Variants in DPYD observed in about 807,000 individuals in gnomAD.
The protein encoded by DPYD is dihydropyrimidine dehydrogenase.
A neutral mutation model predicts 116.2 loss-of-function variants in DPYD; 109 were observed. The observed-to-expected ratio is 0.94, with a 90% CI of 0.80 to 1.10. The LOEUF (loss-of-function observed/expected upper bound fraction) is 1.10, where lower values mean the gene tolerates loss of function less well. Ranked by LOEUF, DPYD falls within the 50% of genes least tolerant of loss-of-function variation. The pLI is 0.00. For synonymous variants in DPYD, 440 were observed against 432.0 expected, an observed-to-expected ratio of 1.02 and a Z score of -0.23; for missense variants, 1,302 against 1,254.5, an observed-to-expected ratio of 1.04 and a Z score of -0.57.
At chr1:97,681,412 T>C (rs916677042) in intron 7 of DPYD, among the ~76,000 whole-genome samples, 4 of 152,128 alleles carry the variant, frequency 2.6e-5, no homozygotes, top group South Asian at 2.1e-4. Context: ...AACTGGATCA[T>C]AGAGGGCAAT....
intron 3 of DPYD, among the ~76,000 whole-genome samples, chr1:97,740,744 T>C (rs1229030502): frequency 6.6e-6 from 1 of 152,156 alleles, no homozygotes; most frequent in African/African-American, 2.4e-5. Flanking sequence ...ATCATACTTA[T>C]TTAGGACATA....
intron 8 of DPYD, among the ~76,000 whole-genome samples, chr1:97,670,832 T>C (rs983314910): frequency 6.6e-6 from 1 of 152,102 alleles, no homozygotes; most frequent in Non-Finnish European, 1.5e-5. Flanking sequence ...ATTAAACCAT[T>C]GGAAACTACT....
intron 3 of DPYD, among the ~76,000 whole-genome samples, chr1:97,795,841 C>A (rs367780474): frequency 6.6e-6 from 1 of 151,730 alleles, no homozygotes; most frequent in Non-Finnish European, 1.5e-5. Flanking sequence ...TTTTGTTGTG[C>A]CCTAGGTATA....
At chr1:97,303,114 A>G (rs1303307092) in intron 18 of DPYD, among the ~76,000 whole-genome samples, 1 of 151,992 alleles carries the variant, frequency 6.6e-6, no homozygotes, top group East Asian at 1.9e-4. Flanking sequence ...TTCATTTCAA[A>G]GAGCAGAAAT....
intron 8 of DPYD, among the ~76,000 whole-genome samples, chr1:97,651,328 C>A (rs1658569809): frequency 6.6e-6 from 1 of 152,082 alleles, no homozygotes; most frequent in African/African-American, 2.4e-5. Flanking sequence ...AACAAAAATA[C>A]CCTGCTTGTG....
At chr1:97,257,452 T>TATATATAGAGAGAGAGAGAGAGAGAG (rs375490078) in intron 18 of DPYD, among the ~76,000 whole-genome samples, 1 of 126,474 alleles carries the variant, frequency 7.9e-6, no homozygotes, top group African/African-American at 3.1e-5. Context: ...TATATATATA[T>TATATATAGAGAGAGAGAGAGAGAGAG]AGAGAGAGAG....
intron 1 of DPYD, among the ~76,000 whole-genome samples, chr1:97,892,679 T>A (rs1293025594): frequency 6.6e-6 from 1 of 151,786 alleles, no homozygotes; most frequent in Non-Finnish European, 1.5e-5. Context: ...TCTAAGCCCC[T>A]AGGTTGTTCT....
At chr1:97,760,449 A>T (rs1222877629) in intron 3 of DPYD, among the ~76,000 whole-genome samples, 1 of 152,172 alleles carries the variant, frequency 6.6e-6, no homozygotes, top group Non-Finnish European at 1.5e-5. Flanking sequence ...AACAATAAAA[A>T]TAACATGAAT....
At chr1:97,541,509 C>T (rs1044689928) in intron 12 of DPYD, among the ~76,000 whole-genome samples, 2 of 151,922 alleles carry the variant, frequency 1.3e-5, no homozygotes, top group African/African-American at 4.8e-5. Context: ...TAGATTTAGG[C>T]AAGATACATA....
chr1:97,340,419 C>G (rs1669533871), intron 16 of DPYD, among the ~76,000 whole-genome samples: 1 of 152,140 alleles, frequency 6.6e-6, no homozygotes, highest in South Asian at 2.1e-4. Context: ...CATGGTGGCT[C>G]TGCACTTTGG....
At chr1:97,897,513 A>G (rs941998224) in intron 1 of DPYD, among the ~76,000 whole-genome samples, 1 of 151,886 alleles carries the variant, frequency 6.6e-6, no homozygotes, top group African/African-American at 2.4e-5. Context: ...CATGTATATG[A>G]GGCCACTCGA....
intron 21 of DPYD, 66 bp from the exon 22 acceptor site, chr1:97,082,536 C>A: frequency 6.4e-7 from 1 of 1,574,514 alleles, no homozygotes; most frequent in Non-Finnish European, 8.7e-7. Context: ...TAATTAATAT[C>A]ACTCAGCATT....
chr1:97,355,116 C>T (rs1452347825), intron 16 of DPYD, among the ~76,000 whole-genome samples: 6 of 152,108 alleles, frequency 3.9e-5, no homozygotes, highest in Non-Finnish European at 5.9e-5. Flanking sequence ...GATAACTATA[C>T]TTTTATTGCA....
intron 8 of DPYD, among the ~76,000 whole-genome samples, chr1:97,661,393 C>T (rs936941331): frequency 1.3e-5 from 2 of 152,042 alleles, no homozygotes; most frequent in Non-Finnish European, 2.9e-5. Flanking sequence ...CATATAGAAT[C>T]GAGGAGGACT....
intron 18 of DPYD, among the ~76,000 whole-genome samples, chr1:97,280,871 T>C (rs181856491): frequency 2.0e-5 from 3 of 152,262 alleles, no homozygotes; most frequent in Non-Finnish European, 4.4e-5. Context: ...TATCTCAAGA[T>C]ACCTCGAAGA....
At chr1:97,583,763 T>A (rs1000968173) in intron 10 of DPYD, among the ~76,000 whole-genome samples, 1 of 151,644 alleles carries the variant, frequency 6.6e-6, no homozygotes, top group Non-Finnish European at 1.5e-5. Context: ...TGTGACGCAA[T>A]ATTTTTTTTA....
At chr1:97,199,560 T>G (rs1342323745) in intron 19 of DPYD, among the ~76,000 whole-genome samples, 1 of 152,082 alleles carries the variant, frequency 6.6e-6, no homozygotes, top group African/African-American at 2.4e-5. Context: ...ATTTTTTTAA[T>G]GTAATACATT....
intron 4 of DPYD, among the ~76,000 whole-genome samples, chr1:97,722,064 C>A (rs1280042712): frequency 6.6e-6 from 1 of 151,298 alleles, no homozygotes; most frequent in East Asian, 1.9e-4. Flanking sequence ...TTTAAAACAA[C>A]AAAAAATGGT....
intron 21 of DPYD, among the ~76,000 whole-genome samples, chr1:97,096,303 G>T (rs1650243681): frequency 6.6e-6 from 1 of 151,988 alleles, no homozygotes; most frequent in African/African-American, 2.4e-5. Flanking sequence ...ATCTCTGAAA[G>T]ATTTGAGGGC....
Sources: allele counts gnomAD v4.1 joint callset (sites outside exome capture counted in the v4.1 genomes callset), GRCh38; gene constraint gnomAD v4.1.1; transcripts MANE v1.5; gene names NCBI Gene and HGNC (gene_info 2026-07-23, HGNC 2026-07-21).